PDE1A: variants seen among roughly 807,000 people sequenced by gnomAD.
PDE1A encodes the protein dual specificity calcium/calmodulin-dependent 3',5'-cyclic nucleotide phosphodiesterase 1A.
Under a neutral mutation model 61.7 loss-of-function variants are expected in PDE1A, and 35 were observed. That is an observed-to-expected ratio of 0.57 (90% CI 0.43 to 0.75). PDE1A has a LOEUF of 0.75. PDE1A is among the 30% of genes least tolerant of loss of function. The probability of loss-of-function intolerance (pLI) is 0.00; values close to 1 mark genes in which losing one functional copy is unlikely to be tolerated. For missense variants in PDE1A, 597 were observed against 630.6 expected, an observed-to-expected ratio of 0.95 and a Z score of 0.57; for synonymous variants, 232 against 213.2, an observed-to-expected ratio of 1.09 and a Z score of -0.77.
chr2:182,498,410 T>C (rs1029141381), intron 2 of PDE1A, among the ~76,000 whole-genome samples: 2 of 151,888 alleles, frequency 1.3e-5, no homozygotes, highest in Non-Finnish European at 1.5e-5. Flanking sequence ...GGCTGAGAGA[T>C]AGATGTTAAA....
intron 1 of PDE1A, among the ~76,000 whole-genome samples, chr2:182,363,434 A>C (rs1699631016): frequency 6.6e-6 from 1 of 151,966 alleles, no homozygotes; most frequent in South Asian, 2.1e-4. Context: ...AATAGAAGAG[A>C]GACATAGAGT....
intron 2 of PDE1A, among the ~76,000 whole-genome samples, chr2:182,259,120 C>T (rs566040028): frequency 7.2e-5 from 11 of 152,274 alleles, no homozygotes; most frequent in South Asian, 2.1e-4. Flanking sequence ...CCCTAAATGA[C>T]GCTCAATTTC....
downstream of PDE1A, among the ~76,000 whole-genome samples, chr2:182,145,835 AAGAC>A (rs1351812631): frequency 1.3e-5 from 2 of 152,246 alleles, no homozygotes. Flanking sequence ...TTATGAATAA[AAGAC>A]AGTCTAACAA....
chr2:182,382,901 T>C (rs1399967391), intron 1 of PDE1A, among the ~76,000 whole-genome samples: 2 of 152,226 alleles, frequency 1.3e-5, no homozygotes, highest in Non-Finnish European at 2.9e-5. Flanking sequence ...CTGAAAAGCA[T>C]GTATGGAAAA....
chr2:182,554,577 T>A, the PDE1A span, among the ~76,000 whole-genome samples: 1 of 152,204 alleles, frequency 6.6e-6, no homozygotes, highest in African/African-American at 2.4e-5. Context: ...TCATTGCTTC[T>A]ACTTGTGTGA....
chr2:182,357,328 A>C (rs562295408), intron 1 of PDE1A, among the ~76,000 whole-genome samples: 1 of 152,300 alleles, frequency 6.6e-6, no homozygotes, highest in Non-Finnish European at 1.5e-5. Context: ...GGAAAACCAG[A>C]AGGGAGAGAG....
chr2:182,398,126 TA>T (rs955549181), intron 1 of PDE1A, among the ~76,000 whole-genome samples: 9 of 150,808 alleles, frequency 6.0e-5, no homozygotes, highest in East Asian at 1.9e-4. Flanking sequence ...ATGTAAGAAA[TA>T]AAAAAAAAGC....
chr2:182,681,982 A>G, the PDE1A span, among the ~76,000 whole-genome samples: 2 of 152,178 alleles, frequency 1.3e-5, no homozygotes, highest in African/African-American at 2.4e-5. Context: ...GGCTGTTCTC[A>G]ACACAGTTTG....
chr2:182,364,468 A>AAAAAAAAAAC (rs1699706230), intron 1 of PDE1A, among the ~76,000 whole-genome samples: 1 of 109,332 alleles, frequency 9.1e-6, no homozygotes, highest in Non-Finnish European at 1.9e-5. Context: ...CACTTTGGTA[A>AAAAAAAAAAC]AAAAAAAAAA....
intron 13 of PDE1A, among the ~76,000 whole-genome samples, chr2:182,158,135 G>A (rs563003001): frequency 6.6e-6 from 1 of 152,278 alleles, no homozygotes; most frequent in Admixed American, 6.5e-5. Context: ...TGAACGTAGT[G>A]GTGGAAGAAA....
At chr2:182,395,412 C>T (rs1701648190) in intron 1 of PDE1A, among the ~76,000 whole-genome samples, 1 of 152,148 alleles carries the variant, frequency 6.6e-6, no homozygotes, top group African/African-American at 2.4e-5. Flanking sequence ...ATTTGTGTGC[C>T]AGAGGACAGG....
the PDE1A span, among the ~76,000 whole-genome samples, chr2:182,689,236 G>A: frequency 6.6e-6 from 1 of 152,000 alleles, no homozygotes; most frequent in Non-Finnish European, 1.5e-5. Flanking sequence ...TTCTTCTCAG[G>A]ACCACACCGC....
intron 2 of PDE1A, among the ~76,000 whole-genome samples, chr2:182,500,877 C>G (rs574038108): frequency 2.2e-4 from 33 of 152,238 alleles, no homozygotes; most frequent in African/African-American, 7.0e-4. Context: ...TTCACTTCTC[C>G]TCACACCTGA....
At chr2:182,244,878 C>A (rs1156294955) in intron 2 of PDE1A, among the ~76,000 whole-genome samples, 1 of 152,158 alleles carries the variant, frequency 6.6e-6, no homozygotes. Flanking sequence ...TCTCTGTGTG[C>A]AAGAACTGAC....
chr2:182,443,700 C>CTTT (rs1213330952), intron 2 of PDE1A, among the ~76,000 whole-genome samples: 3 of 134,262 alleles, frequency 2.2e-5, no homozygotes, highest in Non-Finnish European at 3.2e-5. Flanking sequence ...TTCTTTTTTC[C>CTTT]TTTTTTTTTT....
At chr2:182,141,504 A>G (rs952804269) in exon 15 of PDE1A, 4 of 152,234 alleles carry the variant, frequency 2.6e-5, no homozygotes, top group Non-Finnish European at 4.4e-5. Flanking sequence ...TTTGCACAAG[A>G]TTCAGGTGAA....
intron 2 of PDE1A, among the ~76,000 whole-genome samples, chr2:182,488,218 G>A (rs927401012): frequency 1.1e-4 from 16 of 152,202 alleles, no homozygotes; most frequent in Non-Finnish European, 2.4e-4. Flanking sequence ...TTCACAATTT[G>A]TAATCTGTCA....
chr2:182,377,090 T>A (rs1051991282), intron 1 of PDE1A, among the ~76,000 whole-genome samples: 1 of 152,140 alleles, frequency 6.6e-6, no homozygotes, highest in African/African-American at 2.4e-5. Flanking sequence ...CCCACGTGAT[T>A]GGGTAAAAAA....
chr2:182,371,407 T>C (rs1190993772), intron 1 of PDE1A, among the ~76,000 whole-genome samples: 1 of 152,202 alleles, frequency 6.6e-6, no homozygotes. Context: ...CGAAAACTTA[T>C]TCTGATAAAA....
Sources: allele counts gnomAD v4.1 joint callset (sites outside exome capture counted in the v4.1 genomes callset), GRCh38; gene constraint gnomAD v4.1.1; transcripts MANE v1.5; gene names NCBI Gene and HGNC (gene_info 2026-07-23, HGNC 2026-07-21).